The following ADGRD1 variants were observed in gnomAD, a reference collection of about 807,000 sequenced individuals.
The protein encoded by ADGRD1 is G-protein coupled receptor 133.
In ADGRD1, 77 loss-of-function variants were observed where a neutral mutation model predicts 113.4. The observed-to-expected ratio is 0.68, with a 90% CI of 0.57 to 0.82. The LOEUF (loss-of-function observed/expected upper bound fraction) is 0.82. Among genes scored for constraint, ADGRD1 ranks in the 40% least tolerant of loss-of-function variants. The probability of loss-of-function intolerance (pLI) is 0.00; values close to 1 mark genes in which losing one functional copy is unlikely to be tolerated. For synonymous variants in ADGRD1, 474 were observed against 475.0 expected (o/e 1.00, Z 0.03); for missense variants, 1,036 against 1,139.1 (o/e 0.91, Z 1.30).
At chr12:131,070,821 G>A in intron 13 of ADGRD1, 1 of 519,050 alleles carries the variant, frequency 1.9e-6, no homozygotes, top group South Asian at 1.4e-5. Context: ...TGTCCTTATA[G>A]GTTGGCTGGC....
At position 130,987,301 on chromosome 12, in the gene ADGRD1, C is replaced by T. The variant is rs370807516; in HGVS notation, c.697C>T (p.Arg233Trp). ...GAFDEFIIWE[R>W]ALTPDEIAMY... ...TTTCGATGAGTTCATCATCTGGGAG[C>T]GGGCTCTGACTCCGGATGAGATCGC... Residue 233 changes from arginine (R) to tryptophan (W), a missense_variant, in exon 6 of 25, where the codon CGG becomes TGG. Transcript: ENST00000261654. The T allele has an allele frequency of 9.3e-6, 15 of 1,614,048 alleles. No individual in the cohort carries two copies. The East Asian group carries it at 1.1e-4, about 12-fold the overall frequency.
At chr12:131,107,427 G>A (rs1950259227) in intron 17 of ADGRD1, among the ~76,000 whole-genome samples, 1 of 150,322 alleles carries the variant, frequency 6.7e-6, no homozygotes. Flanking sequence ...GATGGGTCCT[G>A]CTCTCCCAGA....
chr12:130,980,280 AT>A (rs1872798223), intron 4 of ADGRD1, among the ~76,000 whole-genome samples: 3 of 147,314 alleles, frequency 2.0e-5, no homozygotes, highest in African/African-American at 7.6e-5. Flanking sequence ...AATTTTTTGT[AT>A]TTTTAGTAGA....
At position 131,104,934 on chromosome 12, in the gene ADGRD1, C is replaced by T. The variant is rs1290901193; in HGVS notation, c.1775C>T (p.Ser592Phe). 1.1e-5 allele frequency: 17 copies of T among 1,543,390 alleles called. No homozygotes were observed. The highest frequency in any genetic ancestry group is 1.4e-5 in the Non-Finnish European group (16 of 1,141,436). The change falls in exon 16 of 25, where the codon TCC (serine) becomes TTC (phenylalanine). Residue 592 changes from serine to phenylalanine, a missense_variant and splice_region_variant. By Grantham distance (155) the Ser-to-Phe change is radical (BLOSUM62 -2). Coordinates refer to ENST00000261654, the MANE Select transcript of ADGRD1 (RefSeq NM_198827.5). ...VATLVTFAVL[S>F]SVSTIRNQRY... is the part of the protein sequence containing the mutation. ...ACGCTGGTCACCTTCGCCGTGCTGT[C>T]GTGAGTCCCCTTTTCTAATCCACCC...
intron 9 of ADGRD1, among the ~76,000 whole-genome samples, chr12:131,001,981 A>C (rs992855012): frequency 2.6e-5 from 4 of 152,222 alleles, no homozygotes; most frequent in African/African-American, 9.6e-5. Context: ...AAGTGGAATG[A>C]GATTAGGTTT....
chr12:130,986,929 G>A, intron 5 of ADGRD1, 166 bp from the exon 6 acceptor site: 2 of 613,364 alleles, frequency 3.3e-6, no homozygotes, highest in African/African-American at 1.8e-5. Flanking sequence ...GTGCTCCAAA[G>A]GACTGGGGAA....
chr12:131,008,240 A>T (rs1196419430), intron 12 of ADGRD1, among the ~76,000 whole-genome samples: 1 of 152,232 alleles, frequency 6.6e-6, no homozygotes, highest in Non-Finnish European at 1.5e-5. Flanking sequence ...TGAGGTAATT[A>T]TCAAATCCTG....
In ADGRD1 at chr12:131,022,041, T is replaced by C. The variant is rs142779065; in HGVS notation, c.1473+7701T>C. 8.9e-3 allele frequency among the ~76,000 whole-genome samples: 1,349 copies of C among 152,250 alleles called. 16 individuals carry two copies. Among genetic ancestry groups the C allele is most frequent in the African/African-American group, 0.028 (1,171 of 41,548 alleles). ...TATAAGGATACTGGTCACGTTGGAT[T>C]AGGGCCTACTCTAATGACCTCATTT... On this transcript the variant is annotated intron_variant, in intron 13 of 24. Transcript: ENST00000261654. This position sits in a 1 kb window ranked among gnomAD's most constrained non-coding sequence, Gnocchi z 4.6.
intron 13 of ADGRD1, among the ~76,000 whole-genome samples, chr12:131,052,961 C>G (rs1377190604): frequency 6.6e-6 from 1 of 152,188 alleles, no homozygotes; most frequent in Non-Finnish European, 1.5e-5. Context: ...AGCTGGGTCC[C>G]AAGGCACCTC....
rs1000995764 is a variant in ADGRD1 at position 130,984,926 on chromosome 12, C to G, written c.491-2169C>G. Among the ~76,000 whole-genome samples the G allele has an allele frequency of 1.3e-5, 2 of 150,088 alleles. No individual in the cohort carries two copies. Among genetic ancestry groups the G allele is most frequent in the Non-Finnish European group, 3.0e-5 (2 of 67,606 alleles). On this transcript the variant is annotated intron_variant, in intron 5 of 24. Coordinates refer to ENST00000261654, the MANE Select transcript of ADGRD1 (RefSeq NM_198827.5). This position sits in a 1 kb window ranked among gnomAD's most constrained non-coding sequence, Gnocchi z 4.1. Reference sequence around the variant, plus strand: ...CTCTCTCTCACTCTCTCTCTCCTCTCTTCTCTCTTTCTCTCTTTCTTTCTT... The same window carrying G: ...CTCTCTCTCACTCTCTCTCTCCTCTGTTCTCTCTTTCTCTCTTTCTTTCTT...
In ADGRD1 at chr12:131,003,082, G is replaced by C. The variant is rs1876593659; in HGVS notation, c.1027-103G>C. On this transcript the variant is annotated intron_variant, in intron 9 of 24. Transcript: ENST00000261654. The surrounding 1 kb of genome is among the most constrained non-coding windows in gnomAD (Gnocchi z 4.8). The stretch of plus-strand genomic sequence containing the variant: ...GTTGTGTGACTTCTTCCTCCCTCGT[G>C]GCCAACGTGGGGAAACTTGATTTTG... 1.1e-6 allele frequency: 1 copy of C among 913,554 alleles called. No homozygotes were observed. The highest frequency in any genetic ancestry group is 1.7e-5 in the Admixed American group (1 of 57,820). The allele number at this position is 913,554 out of a possible 1,614,324, so 56.6% of individuals were successfully genotyped here.
intron 18 of ADGRD1, among the ~76,000 whole-genome samples, chr12:131,110,841 TG>T (rs1339586840): frequency 1.3e-5 from 2 of 152,378 alleles, no homozygotes; most frequent in Admixed American, 6.5e-5. Flanking sequence ...GTTGTTTATC[TG>T]GAAATCCCTT....
chr12:131,025,537 C>T (rs1274538197), intron 13 of ADGRD1: 1 of 150,280 alleles, frequency 6.7e-6, no homozygotes, highest in East Asian at 1.9e-4. Context: ...GCTGAGATGC[C>T]TTCTTTTCTT....
chr12:131,098,159 T>TGCG (rs1566107430), intron 15 of ADGRD1, among the ~76,000 whole-genome samples: 1 of 28,838 alleles, frequency 3.5e-5, no homozygotes, highest in Non-Finnish European at 1.1e-4. Context: ...TGGGCCTCAC[T>TGCG]TCCTTCTCCC....
chr12:130,993,443 C>A (rs2136663597), intron 8 of ADGRD1, among the ~76,000 whole-genome samples: 1 of 149,900 alleles, frequency 6.7e-6, no homozygotes, highest in Admixed American at 6.7e-5. Flanking sequence ...GCAGGATGAC[C>A]AAGTGCTAAT....
intron 8 of ADGRD1, among the ~76,000 whole-genome samples, chr12:130,996,745 C>T (rs1593320895): frequency 3.2e-5 from 3 of 95,170 alleles, no homozygotes; most frequent in South Asian, 6.7e-4. Context: ...GGTGGCTGGC[C>T]GGGCAGAGGG....
At chr12:131,104,478 GGTC>G in intron 15 of ADGRD1, among the ~76,000 whole-genome samples, 2 of 152,192 alleles carry the variant, frequency 1.3e-5, no homozygotes, top group Non-Finnish European at 2.9e-5. Context: ...GAACCCGGGA[GGTC>G]TGGCTCTGGG....
chr12:131,100,680 G>A (rs951402037), intron 15 of ADGRD1, among the ~76,000 whole-genome samples: 1 of 152,144 alleles, frequency 6.6e-6, no homozygotes, highest in Non-Finnish European at 1.5e-5. Flanking sequence ...AAGTGGGTAG[G>A]TGTGGGTCTG....
intron 13 of ADGRD1, among the ~76,000 whole-genome samples, chr12:131,033,671 C>T (rs944248368): frequency 6.6e-6 from 1 of 152,158 alleles, no homozygotes; most frequent in Non-Finnish European, 1.5e-5. Context: ...AGGGGCAGGC[C>T]GTGGGCCTGG....
Sources: gnomAD v4.1 joint callset for allele counts (sites outside exome capture counted in the v4.1 genomes callset) on GRCh38, gnomAD v4.1.1 for gene constraint, Gnocchi (gnomAD v3.1) non-coding constraint, MANE v1.5 for transcripts, NCBI Gene and HGNC (gene_info 2026-07-23, HGNC 2026-07-21) for gene names.